The following R3HDM1 variants were observed in gnomAD, a reference collection of about 807,000 sequenced individuals.
R3HDM1 encodes R3H domain-containing protein 1.
R3HDM1 carries 46 observed loss-of-function variants against 141.1 expected under a neutral mutation model. That is an observed-to-expected ratio of 0.33 (90% CI 0.26 to 0.42). The LOEUF (loss-of-function observed/expected upper bound fraction) is 0.42. R3HDM1 is among the 10% of genes least tolerant of loss of function. R3HDM1 has a pLI of 1.00. For missense variants in R3HDM1, 1,184 were observed against 1,368.3 expected, an observed-to-expected ratio of 0.87 and a Z score of 2.12; for synonymous variants, 435 against 472.9, an observed-to-expected ratio of 0.92 and a Z score of 1.04.
At chr2:135,704,258 G>A (rs1452487799) in intron 21 of R3HDM1, among the ~76,000 whole-genome samples, 2 of 152,062 alleles carry the variant, frequency 1.3e-5, no homozygotes, top group African/African-American at 4.8e-5. Flanking sequence ...GGGATTACAG[G>A]CATGAGCCGC....
intron 1 of R3HDM1, chr2:135,543,133 G>T: frequency 1.0e-6 from 1 of 976,586 alleles, no homozygotes; most frequent in Non-Finnish European, 1.2e-6. Context: ...ATGTAAAATG[G>T]ATGATTAATT....
At chr2:135,536,612 T>C in intron 1 of R3HDM1, 1 of 888,934 alleles carries the variant, frequency 1.1e-6, no homozygotes, top group Non-Finnish European at 1.3e-6. Flanking sequence ...AATAACTTGA[T>C]ATTGTCTGAT....
chr2:135,635,863 C>T, intron 9 of R3HDM1, 27 bp from the exon 10 acceptor site: 1 of 1,550,604 alleles, frequency 6.4e-7, no homozygotes, highest in Non-Finnish European at 8.7e-7. Flanking sequence ...TTTTCCTGTT[C>T]CTTTGTTTTT....
At chr2:135,587,791 G>T (rs1464149937) in intron 1 of R3HDM1, among the ~76,000 whole-genome samples, 7 of 151,792 alleles carry the variant, frequency 4.6e-5, no homozygotes, top group Non-Finnish European at 1.0e-4. Flanking sequence ...TTAGGATTCT[G>T]TTTGTCTGTG....
chr2:135,717,849 G>C (rs1220418586), intron 24 of R3HDM1, among the ~76,000 whole-genome samples: 2 of 152,194 alleles, frequency 1.3e-5, no homozygotes, highest in Non-Finnish European at 2.9e-5. Context: ...GGGGGAAAGA[G>C]AATTGAAAAC....
rs2063508281 is a variant in R3HDM1 at position 135,638,790 on chromosome 2, G to A, written c.992+1G>A. On this transcript the variant is annotated splice_donor_variant, in intron 13 of 26. Transcript: ENST00000683871. LOFTEE classifies it high-confidence loss of function. The stretch of plus-strand genomic sequence containing the variant: ...CCCAGCAGAGGCGCCAGATATTTAG[G>A]TATTGGAAGCATGTTTTCAATACAG... The A allele has an allele frequency of 1.2e-6, 2 of 1,613,978 alleles. No homozygotes were observed. The highest frequency in any genetic ancestry group is 1.7e-6 in the Non-Finnish European group (2 of 1,179,968).
chr2:135,652,638 G>A (rs553822336), intron 18 of R3HDM1, among the ~76,000 whole-genome samples: 2 of 152,220 alleles, frequency 1.3e-5, no homozygotes, highest in Admixed American at 6.5e-5. Context: ...TGTACTATCC[G>A]GATGGTAGTA....
intron 1 of R3HDM1, among the ~76,000 whole-genome samples, chr2:135,579,787 A>G (rs1287238790): frequency 1.3e-5 from 2 of 152,166 alleles, no homozygotes; most frequent in Non-Finnish European, 2.9e-5. Context: ...AGGAATCTAA[A>G]TAAGGTCTGT....
intron 21 of R3HDM1, among the ~76,000 whole-genome samples, chr2:135,709,011 G>GT (rs1256775799): frequency 6.7e-6 from 1 of 149,856 alleles, no homozygotes; most frequent in Non-Finnish European, 1.5e-5. Context: ...GTAACTTAAT[G>GT]GTTTCACACT....
At position 135,641,822 on chromosome 2, in the gene R3HDM1, T is replaced by A. The variant is rs367714300; in HGVS notation, c.1474+32T>A. 4.5e-6 allele frequency: 7 copies of A among 1,550,014 alleles called. No homozygotes were observed. In the African/African-American group the frequency reaches 9.7e-5, roughly 21 times the overall value. ...ATCCAGAAAAAGGTGTTTCAGGAAT[T>A]ATCTGAAAATTTAAGGATACTTATT... On this transcript the variant is annotated intron_variant, in intron 15 of 26. Coordinates refer to ENST00000683871, the MANE Select transcript of R3HDM1 (RefSeq NM_001378107.1).
chr2:135,598,627 T>C (rs769868407), intron 1 of R3HDM1, among the ~76,000 whole-genome samples: 28 of 150,874 alleles, frequency 1.9e-4, no homozygotes, highest in Non-Finnish European at 3.5e-4. Flanking sequence ...ACTTGATTTT[T>C]CTATCTGCCT....
chr2:135,632,068 C>A, intron 9 of R3HDM1, 67 bp downstream of exon 9: 1 of 1,238,934 alleles, frequency 8.1e-7, no homozygotes, highest in Non-Finnish European at 1.1e-6. Context: ...TTCTATATTA[C>A]CTTTCATCTG....
chr2:135,721,967 T>G lies in R3HDM1; in HGVS notation c.2925T>G (p.Asn975Lys). 6.2e-7 allele frequency: 1 copy of G among 1,613,892 alleles called. No homozygotes were observed. Among genetic ancestry groups the G allele is most frequent in the Non-Finnish European group, 8.5e-7 (1 of 1,179,822 alleles). The change falls in exon 25 of 27, where the codon AAT becomes AAG. Residue 975 changes from asparagine (N) to lysine (K), a missense_variant. Physicochemically the swap from Asn to Lys is moderately conservative, Grantham distance 94. Coordinates refer to ENST00000683871, the MANE Select transcript of R3HDM1 (RefSeq NM_001378107.1). ...YPLLGQPLQY[N>K]PPAVLHGHIP... ...TACTTGGCCAGCCACTGCAGTACAATCCTCCTGCTGTTCTGCACGGACACA... is the reference window on the plus strand; with the variant it reads ...TACTTGGCCAGCCACTGCAGTACAAGCCTCCTGCTGTTCTGCACGGACACA...
chr2:135,664,764 T>TA (rs1396387211), intron 19 of R3HDM1, among the ~76,000 whole-genome samples: 1 of 152,178 alleles, frequency 6.6e-6, no homozygotes, highest in Non-Finnish European at 1.5e-5. Flanking sequence ...CAAGGTTGAG[T>TA]AAACCCCTGT....
At chr2:135,534,034 A>G in intron 1 of R3HDM1, 9 of 984,932 alleles carry the variant, frequency 9.1e-6, no homozygotes, top group Non-Finnish European at 1.1e-5. Context: ...CTTAGAACAC[A>G]TTCTGTTACT....
chr2:135,573,101 A>G (rs1704526462), intron 1 of R3HDM1, among the ~76,000 whole-genome samples: 1 of 152,208 alleles, frequency 6.6e-6, no homozygotes, highest in Admixed American at 6.5e-5. Flanking sequence ...CTATGAATAT[A>G]CTAAAAAGTA....
intron 20 of R3HDM1, among the ~76,000 whole-genome samples, chr2:135,678,147 T>C (rs896808500): frequency 1.3e-5 from 2 of 151,990 alleles, no homozygotes; most frequent in African/African-American, 4.8e-5. Flanking sequence ...GTATTTTTAG[T>C]AGAGACGGTG....
chr2:135,577,250 T>C (rs1167144103), intron 1 of R3HDM1: 11 of 971,984 alleles, frequency 1.1e-5, no homozygotes, highest in African/African-American at 1.8e-5. Context: ...AAAACCGACA[T>C]GAAAAAAAGT....
chr2:135,670,696 A>G (rs2068211233), intron 19 of R3HDM1, among the ~76,000 whole-genome samples: 1 of 152,030 alleles, frequency 6.6e-6, no homozygotes, highest in Admixed American at 6.6e-5. Flanking sequence ...TTTTTTCCAA[A>G]TTTTCTACTA....
Sources: gnomAD v4.1 joint callset for allele counts (sites outside exome capture counted in the v4.1 genomes callset) on GRCh38, gnomAD v4.1.1 for gene constraint, MANE v1.5 for transcripts, NCBI Gene and HGNC (gene_info 2026-07-23, HGNC 2026-07-21) for gene names.